The following SMG1 variants were observed in gnomAD, a reference collection of about 807,000 sequenced individuals.
The protein encoded by SMG1 is serine/threonine-protein kinase SMG1.
A neutral mutation model predicts 419.9 loss-of-function variants in SMG1; 22 were observed. The ratio of observed to expected loss-of-function variants is 0.05; its 90% CI spans 0.04 to 0.07. The LOEUF is 0.07. SMG1 is among the 10% of genes least tolerant of loss of function. The probability of loss-of-function intolerance (pLI) is 1.00; values close to 1 mark genes in which losing one functional copy is unlikely to be tolerated. For synonymous variants in SMG1, 1,538 were observed against 1,553.5 expected (o/e 0.99, Z 0.23); for missense variants, 3,185 against 4,342.0 (o/e 0.73, Z 7.49).
At chr16:18,827,614 CAA>C (rs1436208731) in intron 55 of SMG1, among the ~76,000 whole-genome samples, 1 of 134,870 alleles carries the variant, frequency 7.4e-6, no homozygotes, top group East Asian at 2.1e-4. Flanking sequence ...ATAAATATAC[CAA>C]AATATATATT....
At chr16:18,843,143 C>G (rs1200584485) in intron 39 of SMG1, among the ~76,000 whole-genome samples, 1 of 152,192 alleles carries the variant, frequency 6.6e-6, no homozygotes, top group East Asian at 1.9e-4. Context: ...ATAGGTACAG[C>G]TAGCAGTCGG....
chr16:18,815,717 C>A, intron 58 of SMG1, 66 bp from the exon 59 acceptor site: 2 of 1,342,126 alleles, frequency 1.5e-6, no homozygotes, highest in South Asian at 1.3e-5. Context: ...TCAAGACAGT[C>A]ACCTAGTGAT....
intron 1 of SMG1, among the ~76,000 whole-genome samples, chr16:18,922,029 G>A (rs2038218336): frequency 6.6e-6 from 1 of 152,188 alleles, no homozygotes; most frequent in South Asian, 2.1e-4. Context: ...AACCCCGAGT[G>A]GAGAAGTAAA....
In SMG1 at chr16:18,812,060, GA is replaced by G. The variant is rs1567307378; in HGVS notation, c.10688del (p.Ile3563ThrfsTer48). On this transcript the variant is annotated frameshift_variant, in exon 61 of 63. Coordinates refer to ENST00000446231, the MANE Select transcript of SMG1 (RefSeq NM_015092.5). LOFTEE classifies it high-confidence loss of function. ...DVMSQNARKLIQKNLATSADT... is the reference protein window; with the variant it reads ...DVMSQNARKLXQKNLATSADT... ...CAGCTGATGTAGCAAGATTTTTTTGGATCAGCTTTCTAGCATTCTGTGACAT... is the reference window on the plus strand; with the variant it reads ...CAGCTGATGTAGCAAGATTTTTTTGGTCAGCTTTCTAGCATTCTGTGACAT... 1 of 1,613,884 alleles carries G rather than the reference GA, an allele frequency of 6.2e-7. No homozygotes were observed. The highest frequency in any genetic ancestry group is 8.5e-7 in the Non-Finnish European group (1 of 1,179,828).
rs982979572 is a variant in SMG1 at position 18,890,782 on chromosome 16, T to C, written c.608+81A>G. The C allele has an allele frequency of 4.5e-5, 33 of 736,530 alleles. No homozygotes were observed. The African/African-American group carries it at 4.8e-4, about 11-fold the overall frequency. The allele number at this position is 736,530 out of a possible 1,614,324, so 45.6% of individuals were successfully genotyped here. A position where few individuals can be genotyped will look rare whatever the true frequency, so the allele number is the denominator to read the frequency against. On this transcript the variant is annotated intron_variant, in intron 5 of 62. Coordinates refer to ENST00000446231, the MANE Select transcript of SMG1 (RefSeq NM_015092.5). ...GATGTTCATAAACAAAGCCAGTGGG[T>C]TTGTCTTCTTGTGTATTGTTAAGTA...
At chr16:18,924,844 G>A (rs1171900158) in intron 1 of SMG1, 2 of 152,144 alleles carry the variant, frequency 1.3e-5, no homozygotes, top group South Asian at 2.1e-4. Context: ...GTCTTCAAAT[G>A]TTACATTCTA....
At chr16:18,876,507 G>A (rs990432400) in intron 12 of SMG1, 114 bp from the exon 13 acceptor site, 11 of 1,336,614 alleles carry the variant, frequency 8.2e-6, no homozygotes, top group Middle Eastern at 5.3e-4. Flanking sequence ...ATTTAAGATC[G>A]ATCAATTCAC....
At chr16:18,923,524 C>G (rs1471898908) in intron 1 of SMG1, among the ~76,000 whole-genome samples, 1 of 151,744 alleles carries the variant, frequency 6.6e-6, no homozygotes, top group Non-Finnish European at 1.5e-5. Flanking sequence ...CCCAGCTACT[C>G]AGGAGGCTGA....
rs1218858965 is a variant in SMG1 at position 18,879,498 on chromosome 16, C to G, written c.1515G>C (p.Thr505=). ...AGGAAAAGAATAATTCACATACCAGCGTGAGTAAATTCAAGACTGAGATGA... is the reference window on the plus strand; with the variant it reads ...AGGAAAAGAATAATTCACATACCAGGGTGAGTAAATTCAAGACTGAGATGA... The part of the protein sequence containing the change: ...DYIISVLNLL[T]LIVEQINTKL... The change falls in exon 11 of 63, where the codon ACG becomes ACC. Residue 505 remains threonine (T), a synonymous_variant. Transcript: ENST00000446231. The G allele has an allele frequency of 1.2e-6, 1 of 802,178 alleles. No homozygotes were observed. The highest frequency in any genetic ancestry group is 1.5e-5 in the South Asian group (1 of 68,000). The allele number at this position is 802,178 out of a possible 1,614,324, so 49.7% of individuals were successfully genotyped here.
In SMG1 at chr16:18,879,584, T is replaced by C. The variant is rs1280115148; in HGVS notation, c.1429A>G (p.Met477Val). 1.5e-5 allele frequency: 19 copies of C among 1,309,438 alleles called. No homozygotes were observed. The highest frequency in any genetic ancestry group is 2.9e-5 in the African/African-American group (2 of 68,736). 81.1% of individuals were successfully genotyped at this position (1,309,438 alleles called of 1,614,324 possible). A position where few individuals can be genotyped will look rare whatever the true frequency, so the allele number is the denominator to read the frequency against. ...LDPSMTIHCD[M>V]VITYGLDQLE... ...TGGTCTAATCCATATGTAATGACCATGTCACAATGTATAGTCATGCTAGGA... is the reference window on the plus strand; with the variant it reads ...TGGTCTAATCCATATGTAATGACCACGTCACAATGTATAGTCATGCTAGGA... Residue 477 changes from methionine (M) to valine (V), a missense_variant, in exon 11 of 63, where the codon ATG (methionine) becomes GTG (valine). Around this residue, in one of 27 missense-constraint regions of SMG1, gnomAD observed 297 missense variants for 491.0 expected, o/e 0.60. Coordinates refer to ENST00000446231, the MANE Select transcript of SMG1 (RefSeq NM_015092.5).
chr16:18,881,064 G>C (rs2036371414), intron 10 of SMG1, among the ~76,000 whole-genome samples: 1 of 150,576 alleles, frequency 6.6e-6, no homozygotes, highest in Non-Finnish European at 1.5e-5. Flanking sequence ...ATTACAGTGA[G>C]CTATGATTGC....
At chr16:18,893,543 T>C (rs1347484666) in intron 3 of SMG1, among the ~76,000 whole-genome samples, 1 of 152,104 alleles carries the variant, frequency 6.6e-6, no homozygotes, top group African/African-American at 2.4e-5. Context: ...GAGGATCGCT[T>C]TAGCCTGGGA....
intron 55 of SMG1, among the ~76,000 whole-genome samples, chr16:18,820,779 TAAA>T (rs906597426): frequency 1.7e-4 from 26 of 152,194 alleles, no homozygotes; most frequent in Non-Finnish European, 2.9e-5. Flanking sequence ...AAAGCTTCAT[TAAA>T]AAACTTTTAA....
chr16:18,814,067 A>T (rs1318083665), intron 60 of SMG1, among the ~76,000 whole-genome samples: 1 of 147,612 alleles, frequency 6.8e-6, no homozygotes, highest in African/African-American at 2.5e-5. Flanking sequence ...TTAAAAAAAA[A>T]TAAAATAAAA....
At chr16:18,917,163 A>T (rs1290675055) in intron 1 of SMG1, among the ~76,000 whole-genome samples, 4 of 151,488 alleles carry the variant, frequency 2.6e-5, no homozygotes, top group Admixed American at 6.6e-5. Context: ...TTATTTATTT[A>T]TTTTTTGAGA....
chr16:18,885,020 G>A, intron 8 of SMG1, 70 bp downstream of exon 8: 2 of 648,536 alleles, frequency 3.1e-6, no homozygotes. Flanking sequence ...GGTATTGATA[G>A]ATGGTCACTG....
intron 62 of SMG1, among the ~76,000 whole-genome samples, chr16:18,810,919 G>A (rs2031327033): frequency 6.6e-6 from 1 of 152,082 alleles, no homozygotes; most frequent in African/African-American, 2.4e-5. Context: ...ATGAAACATG[G>A]GAAATTGTTA....
At chr16:18,863,489 C>A (rs1306980516) in intron 25 of SMG1, among the ~76,000 whole-genome samples, 161 bp downstream of exon 25, 4 of 152,212 alleles carry the variant, frequency 2.6e-5, no homozygotes, top group South Asian at 4.1e-4. Flanking sequence ...CTTCCCTCAC[C>A]TCTGACGTCA....
chr16:18,888,876 G>A (rs1374658722), intron 6 of SMG1, among the ~76,000 whole-genome samples: 1 of 141,032 alleles, frequency 7.1e-6, no homozygotes, highest in Admixed American at 7.4e-5. Context: ...AGGCTGGAGT[G>A]CAGTGGCGTG....
Sources: allele counts gnomAD v4.1 joint callset (sites outside exome capture counted in the v4.1 genomes callset), GRCh38; gene constraint gnomAD v4.1.1; regional missense constraint gnomAD v4.1.1; transcripts MANE v1.5; gene names NCBI Gene and HGNC (gene_info 2026-07-23, HGNC 2026-07-21).